The following ACSL4 variants were observed in gnomAD, a reference collection of about 807,000 sequenced individuals.
ACSL4 encodes the protein acyl-CoA synthetase long chain family member 4.
In ACSL4, 9 loss-of-function variants were observed where a neutral mutation model predicts 49.1. That is an observed-to-expected ratio of 0.18 (90% confidence interval 0.11 to 0.32). The LOEUF (loss-of-function observed/expected upper bound fraction) is 0.32, where lower values mean the gene tolerates loss of function less well. Among genes scored for constraint, ACSL4 ranks in the 10% least tolerant of loss-of-function variants. The probability of loss-of-function intolerance (pLI) is 1.00; values close to 1 mark genes in which losing one functional copy is unlikely to be tolerated. For synonymous variants in ACSL4, 191 were observed against 170.3 expected, an observed-to-expected ratio of 1.12 and a Z score of -0.95; for missense variants, 333 against 493.7, an observed-to-expected ratio of 0.67 and a Z score of 3.08.
chrX:109,657,458 A>C (rs995911700), intron 15 of ACSL4, among the ~76,000 whole-genome samples: 1 of 108,336 alleles, frequency 9.2e-6, no homozygotes, highest in Non-Finnish European at 1.9e-5. Context: ...ATGAGTGAGA[A>C]TATGCGGTGT....
At chrX:109,689,559 T>C (rs935831049) in intron 2 of ACSL4, among the ~76,000 whole-genome samples, 1 of 112,392 alleles carries the variant, frequency 8.9e-6, no homozygotes, top group African/African-American at 3.2e-5. Flanking sequence ...TCTTCTGCAG[T>C]CCCATTTGTT....
At chrX:109,653,426 A>C (rs1444418143) in intron 15 of ACSL4, among the ~76,000 whole-genome samples, 1 of 111,626 alleles carries the variant, frequency 9.0e-6, no homozygotes, top group Non-Finnish European at 1.9e-5. Context: ...AACTAGAAGT[A>C]CCATTTGACC....
At chrX:109,716,934 T>G (rs1204685985) in intron 1 of ACSL4, among the ~76,000 whole-genome samples, 1 of 112,605 alleles carries the variant, frequency 8.9e-6, no homozygotes, top group Non-Finnish European at 1.9e-5. Flanking sequence ...GCATCTGCAA[T>G]GTAATGTACC....
intron 2 of ACSL4, among the ~76,000 whole-genome samples, chrX:109,686,759 G>GAC (rs1174104628): frequency 1.9e-5 from 2 of 105,072 alleles, no homozygotes; most frequent in South Asian, 4.1e-4. Flanking sequence ...GCTTAGTACA[G>GAC]ACACACACAC....
chrX:109,712,245 C>T (rs1351726905), intron 1 of ACSL4, among the ~76,000 whole-genome samples: 4 of 111,490 alleles, frequency 3.6e-5, no homozygotes, highest in African/African-American at 1.3e-4. Flanking sequence ...CCTACAGGCA[C>T]TCGCCATCAT....
intron 15 of ACSL4, among the ~76,000 whole-genome samples, chrX:109,650,184 C>T (rs1934955154): frequency 9.0e-6 from 1 of 111,432 alleles, no homozygotes; most frequent in Admixed American, 9.5e-5. Flanking sequence ...TGGGTATATA[C>T]CCAGAGGACT....
intron 8 of ACSL4, among the ~76,000 whole-genome samples, chrX:109,675,299 T>C (rs1169580166): frequency 1.8e-5 from 2 of 112,232 alleles, no homozygotes; most frequent in Non-Finnish European, 3.8e-5. Context: ...CCCTTCTTTG[T>C]TTTTTTTACT....
intron 1 of ACSL4, among the ~76,000 whole-genome samples, chrX:109,709,272 G>A (rs1312236438): frequency 8.9e-6 from 1 of 112,014 alleles, no homozygotes; most frequent in East Asian, 2.8e-4. Flanking sequence ...TGATCAGAGG[G>A]CCTGTGAAAG....
At chrX:109,730,086 T>C (rs775820045) in intron 1 of ACSL4, among the ~76,000 whole-genome samples, 2 of 112,180 alleles carry the variant, frequency 1.8e-5, no homozygotes, top group Non-Finnish European at 3.8e-5. Context: ...ACTAAATACA[T>C]ACATGCAAAT....
At chrX:109,648,643 C>G (rs1934854099) in intron 15 of ACSL4, among the ~76,000 whole-genome samples, 1 of 111,366 alleles carries the variant, frequency 9.0e-6, no homozygotes, top group Non-Finnish European at 1.9e-5. Flanking sequence ...CTCACCACTC[C>G]TATTCAACAG....
intron 14 of ACSL4, among the ~76,000 whole-genome samples, chrX:109,659,885 T>C (rs1230577520): frequency 1.8e-5 from 2 of 110,020 alleles, no homozygotes; most frequent in Admixed American, 9.6e-5. Context: ...GGATCAAAAA[T>C]CTAAACATCG....
At chrX:109,676,622 T>C (rs762573700) in intron 8 of ACSL4, among the ~76,000 whole-genome samples, 3 of 111,187 alleles carry the variant, frequency 2.7e-5, no homozygotes, top group East Asian at 2.8e-4. Context: ...CTAAGCCTGG[T>C]TGAAGCTTTT....
At chrX:109,669,417 G>A (rs1213772560) in intron 9 of ACSL4, among the ~76,000 whole-genome samples, 5 of 104,574 alleles carry the variant, frequency 4.8e-5, no homozygotes, top group South Asian at 4.4e-4. Context: ...TTTTTGAGAC[G>A]GAGTCTCACT....
Position 109,643,758 on chromosome X carries a change from T to C in ACSL4, c.*271A>G. On this transcript the variant is annotated 3_prime_UTR_variant, in exon 16 of 16. Coordinates refer to ENST00000672401, the MANE Select transcript of ACSL4 (RefSeq NM_001318510.2). ...ATTTTTCTTTACAAAAACAAGTATA[T>C]CTTAGGCTAATTTTTAAAAACAGAA... 1 of 289,723 alleles carries C rather than the reference T, an allele frequency of 3.5e-6. No homozygotes were observed. The highest frequency in any genetic ancestry group is 6.1e-6 in the Non-Finnish European group (1 of 163,103). The allele number at this position is 289,723 out of a possible 1,213,427, so 23.9% of individuals were successfully genotyped here.
intron 15 of ACSL4, among the ~76,000 whole-genome samples, chrX:109,648,374 G>A (rs1284898144): frequency 8.1e-5 from 9 of 111,610 alleles, no homozygotes; most frequent in Non-Finnish European, 1.3e-4. Context: ...TTTAATATAC[G>A]CAAATCAATA....
chrX:109,679,258 C>T (rs1482943733), intron 6 of ACSL4, among the ~76,000 whole-genome samples: 1 of 111,584 alleles, frequency 9.0e-6, no homozygotes, highest in Non-Finnish European at 1.9e-5. Flanking sequence ...AAGTTTTAAA[C>T]AGAACCCTGG....
At chrX:109,717,978 A>G (rs1249532893) in intron 1 of ACSL4, among the ~76,000 whole-genome samples, 1 of 111,912 alleles carries the variant, frequency 8.9e-6, no homozygotes, top group Non-Finnish European at 1.9e-5. Context: ...TGAGAGGATC[A>G]TCCCACAGAA....
At chrX:109,672,079 T>TAAAAAAAAAAAA (rs764711316) in intron 9 of ACSL4, among the ~76,000 whole-genome samples, 2 of 37,378 alleles carry the variant, frequency 5.4e-5, no homozygotes, top group African/African-American at 1.1e-4. Flanking sequence ...CAATAAATAC[T>TAAAAAAAAAAAA]AAAAAAAAAA....
chrX:109,661,444 A>G (rs889122924), intron 14 of ACSL4, 87 bp downstream of exon 14: 38 of 662,715 alleles, frequency 5.7e-5, no homozygotes, highest in Non-Finnish European at 8.8e-5. Context: ...AGAGAAGACT[A>G]TGTTACCCTT....
Sources: allele counts gnomAD v4.1 joint callset (sites outside exome capture counted in the v4.1 genomes callset), GRCh38; gene constraint gnomAD v4.1.1; transcripts MANE v1.5; gene names NCBI Gene and HGNC (gene_info 2026-07-23, HGNC 2026-07-21).